The following ZNF610 variants were observed in gnomAD, a reference collection of about 807,000 sequenced individuals.
ZNF610 encodes zink finger protein.
ZNF610 carries 14 observed loss-of-function variants against 14.1 expected under a neutral mutation model. That is an observed-to-expected ratio of 0.99 (90% CI 0.65 to 1.55). The LOEUF is 1.55. Ranked by LOEUF, ZNF610 falls within the 40% of genes most tolerant of loss-of-function variation. ZNF610 has a pLI of 0.00. For synonymous variants in ZNF610, 185 were observed against 187.6 expected, an observed-to-expected ratio of 0.99 and a Z score of 0.11; for missense variants, 530 against 558.0, an observed-to-expected ratio of 0.95 and a Z score of 0.51.
intron 3 of ZNF610, among the ~76,000 whole-genome samples, chr19:52,353,008 G>A (rs1179311836): frequency 2.0e-5 from 3 of 151,800 alleles, no homozygotes; most frequent in African/African-American, 7.3e-5. Context: ...GTGCGATCTC[G>A]GCTCACTGCA....
rs547202695 is a variant in ZNF610 at position 52,353,969 on chromosome 19, C to G, written c.190+161C>G. 7.9e-5 allele frequency among the ~76,000 whole-genome samples: 12 copies of G among 152,274 alleles called. No homozygotes were observed. In the South Asian group the frequency reaches 2.1e-3, roughly 26 times the overall value. ...TATGCTCTCTGGATTTGAAATGCGT[C>G]CTTTCTTCAGATGTACCGCCCCCTT... On this transcript the variant is annotated intron_variant, in intron 4 of 5. Coordinates refer to ENST00000403906, the MANE Select transcript of ZNF610 (RefSeq NM_001161425.2).
chr19:52,336,267 G>A lies in ZNF610; in HGVS notation c.-497G>A. The A allele has an allele frequency of 3.7e-6, 1 of 269,896 alleles. No homozygotes were observed. The highest frequency in any genetic ancestry group is 3.5e-5 in the South Asian group (1 of 28,548). The allele number at this position is 269,896 out of a possible 1,614,324, so 16.7% of individuals were successfully genotyped here. A position where few individuals can be genotyped will look rare whatever the true frequency, so the allele number is the denominator to read the frequency against. ...TGCAGACCCGGAAGCGGATCGCGTG[G>A]GTAGAAGGTCACACCGCAGCGCGTC... is the stretch of plus-strand genomic sequence containing the variant. On this transcript the variant is annotated 5_prime_UTR_variant, in exon 1 of 6. Transcript: ENST00000403906.
chr19:52,358,226 C>T (rs751241268), intron 5 of ZNF610, among the ~76,000 whole-genome samples: 1 of 152,140 alleles, frequency 6.6e-6, no homozygotes, highest in Non-Finnish European at 1.5e-5. Context: ...ACTCTGTCGC[C>T]GGGCTGGAGT....
At chr19:52,334,931 A>AC (rs1984298226), upstream of ZNF610, among the ~76,000 whole-genome samples, 1 of 141,140 alleles carries the variant, frequency 7.1e-6, no homozygotes, top group Non-Finnish European at 1.5e-5. Context: ...TCTGTCTCAA[A>AC]AACAAACACA....
chr19:52,367,092 T>A lies in ZNF610; in HGVS notation c.*325T>A, dbSNP rs1986137863. Reference sequence around the variant, plus strand: ...ATTTAGAATGTACATACTTCTCATGTTTTAAGTAATAAAGTTTAAAGTTTT... The same window carrying A: ...ATTTAGAATGTACATACTTCTCATGATTTAAGTAATAAAGTTTAAAGTTTT... On this transcript the variant is annotated 3_prime_UTR_variant, in exon 6 of 6. Coordinates refer to ENST00000403906, the MANE Select transcript of ZNF610 (RefSeq NM_001161425.2). 3.5e-6 allele frequency: 1 copy of A among 282,514 alleles called. No individual in the cohort carries two copies. Among genetic ancestry groups the A allele is most frequent in the Admixed American group, 4.9e-5 (1 of 20,502 alleles). 17.5% of individuals were successfully genotyped at this position (282,514 alleles called of 1,614,324 possible).
chr19:52,336,527 C>T (rs1288945503), intron 1 of ZNF610, 21 bp downstream of exon 1: 1 of 156,892 alleles, frequency 6.4e-6, no homozygotes, highest in Non-Finnish European at 1.4e-5. Context: ...ATTTTCGAGA[C>T]TCCTTTCCGC....
intron 1 of ZNF610, among the ~76,000 whole-genome samples, chr19:52,337,154 G>T (rs1249915256): frequency 6.6e-6 from 1 of 152,106 alleles, no homozygotes; most frequent in African/African-American, 2.4e-5. Flanking sequence ...TGGGAGAGGG[G>T]CAGAAAGGGG....
In ZNF610 at chr19:52,366,016, T is replaced by G. The variant is rs765722762; in HGVS notation, c.638T>G (p.Phe213Cys). 1.9e-6 allele frequency: 3 copies of G among 1,614,142 alleles called. No individual in the cohort carries two copies. The highest frequency in any genetic ancestry group is 4.5e-5 in the East Asian group (2 of 44,878). ...GAATGTAGTGAAGATGGTGAAGTTT[T>G]TAGAGTCCGTGCAAGCCTTACTAAC... is the stretch of plus-strand genomic sequence containing the variant. ...EYECSEDGEV[F>C]RVRASLTNHQ... Residue 213 changes from phenylalanine (F) to cysteine (C), a missense_variant, in exon 6 of 6, where the codon TTT becomes TGT. Physicochemically the swap from Phe to Cys is radical, Grantham distance 205. Coordinates refer to ENST00000403906, the MANE Select transcript of ZNF610 (RefSeq NM_001161425.2).
intron 5 of ZNF610, among the ~76,000 whole-genome samples, chr19:52,362,457 T>C (rs1985830297): frequency 6.6e-6 from 1 of 152,232 alleles, no homozygotes; most frequent in Non-Finnish European, 1.5e-5. Flanking sequence ...TCTTGTATTG[T>C]TGCCTGTGCT....
chr19:52,354,333 A>G lies in ZNF610; in HGVS notation c.273A>G (p.Ile91Met). Residue 91 changes from isoleucine (I) to methionine (M), a missense_variant, in exon 5 of 6, where the codon ATA becomes ATG. By Grantham distance (10) the Ile-to-Met change is conservative. Transcript: ENST00000403906. ...TGATTCTGCAAAGTCAAGTTAAAATAGTAAAAAATACAGATGGAAGGGAAT... is the reference window on the plus strand; with the variant it reads ...TGATTCTGCAAAGTCAAGTTAAAATGGTAAAAAATACAGATGGAAGGGAAT... ...EPLILQSQVK[I>M]VKNTDGRECV... 1 of 1,614,202 alleles carries G rather than the reference A, an allele frequency of 6.2e-7. No individual in the cohort carries two copies. Among genetic ancestry groups the G allele is most frequent in the Non-Finnish European group, 8.5e-7 (1 of 1,180,038 alleles).
At chr19:52,342,884 A>C (rs1984753699) in intron 1 of ZNF610, among the ~76,000 whole-genome samples, 2 of 151,972 alleles carry the variant, frequency 1.3e-5, no homozygotes. Flanking sequence ...TGAATATGGG[A>C]GTGTCCCACA....
At position 52,366,410 on chromosome 19, in the gene ZNF610, C is replaced by T; in HGVS notation, c.1032C>T (p.Tyr344=). 6.2e-7 allele frequency: 1 copy of T among 1,614,140 alleles called. No homozygotes were observed. Among genetic ancestry groups the T allele is most frequent in the South Asian group, 1.1e-5 (1 of 91,080 alleles). The part of the protein sequence containing the change: ...HQRSHTAEKP[Y]KCNECGKVFS... Reference sequence around the variant, plus strand: ...GAAGTCACACGGCGGAAAAACCTTACAAATGTAATGAATGTGGCAAGGTCT... The same window carrying T: ...GAAGTCACACGGCGGAAAAACCTTATAAATGTAATGAATGTGGCAAGGTCT... The change falls in exon 6 of 6, where the codon TAC becomes TAT. Residue 344 remains tyrosine, a synonymous_variant. Transcript: ENST00000403906.
intron 3 of ZNF610, among the ~76,000 whole-genome samples, chr19:52,352,573 C>T (rs1019039631): frequency 2.6e-5 from 4 of 152,068 alleles, no homozygotes; most frequent in African/African-American, 7.2e-5. Flanking sequence ...TTAGTTAATA[C>T]GCCTAAATGG....
At chr19:52,345,806 A>G (rs1038418038) in intron 1 of ZNF610, among the ~76,000 whole-genome samples, 5 of 151,438 alleles carry the variant, frequency 3.3e-5, no homozygotes, top group African/African-American at 1.2e-4. Flanking sequence ...CCGGGTTCAC[A>G]CCATTCTCCC....
At position 52,366,929 on chromosome 19, in the gene ZNF610, A is replaced by G; in HGVS notation, c.*162A>G. 3.4e-6 allele frequency: 2 copies of G among 593,844 alleles called. No individual in the cohort carries two copies. The highest frequency in any genetic ancestry group is 4.7e-5 in the South Asian group (2 of 42,910). 36.8% of individuals were successfully genotyped at this position (593,844 alleles called of 1,614,324 possible). A position where few individuals can be genotyped will look rare whatever the true frequency, so the allele number is the denominator to read the frequency against. ...CTGAAAGGAAACCCTACAAATGTAA[A>G]GTTAATAACATATATAAATAATCTA... On this transcript the variant is annotated 3_prime_UTR_variant, in exon 6 of 6. Transcript: ENST00000403906.
chr19:52,335,249 G>C (rs1476839850), upstream of ZNF610, among the ~76,000 whole-genome samples: 2 of 151,768 alleles, frequency 1.3e-5, no homozygotes, highest in African/African-American at 4.8e-5. Context: ...AGCTTGCAGT[G>C]AGCCTGGGTG....
chr19:52,353,702 C>T lies in ZNF610; in HGVS notation c.84C>T (p.Asp28=), dbSNP rs1961205. 0.39 allele frequency: 625,098 copies of T among 1,612,518 alleles called. 122,295 individuals are homozygous for T. Among genetic ancestry groups the T allele is most frequent in the South Asian group, 0.46 (42,244 of 90,988 alleles). The change falls in exon 4 of 6, where the codon GAC becomes GAT. Residue 28 remains aspartate, a synonymous_variant. Transcript: ENST00000403906. ...TTTAGGGACGCTTGACATTCATGGA[C>T]GTGGCCATCGAATTCTCTCAGGAGG... is the stretch of plus-strand genomic sequence containing the variant. The part of the protein sequence containing the change: ...ALPQGRLTFM[D]VAIEFSQEEW...
intron 1 of ZNF610, among the ~76,000 whole-genome samples, chr19:52,337,654 C>G (rs1405806841): frequency 2.0e-5 from 3 of 151,952 alleles, no homozygotes; most frequent in Non-Finnish European, 1.5e-5. Context: ...ATACTAATGA[C>G]AAAAGAGGGG....
intron 5 of ZNF610, among the ~76,000 whole-genome samples, chr19:52,357,775 G>T (rs974547885): frequency 6.6e-6 from 1 of 151,890 alleles, no homozygotes; most frequent in South Asian, 2.1e-4. Context: ...CTATGATCGC[G>T]CCACTGCACT....
Sources: allele counts gnomAD v4.1 joint callset (sites outside exome capture counted in the v4.1 genomes callset), GRCh38; gene constraint gnomAD v4.1.1; transcripts MANE v1.5; gene names NCBI Gene and HGNC (gene_info 2026-07-23, HGNC 2026-07-21).